LIN28B: variants seen among roughly 807,000 people sequenced by gnomAD.
LIN28B encodes protein lin-28 homolog B.
Under a neutral mutation model 21.9 loss-of-function variants are expected in LIN28B, and 5 were observed. The ratio of observed to expected loss-of-function variants is 0.23; its 90% CI spans 0.12 to 0.48. LIN28B has a LOEUF of 0.48. Among genes scored for constraint, LIN28B ranks in the 20% least tolerant of loss-of-function variants. LIN28B has a pLI of 0.98. For synonymous variants in LIN28B, 109 were observed against 111.3 expected, an observed-to-expected ratio of 0.98 and a Z score of 0.13; for missense variants, 245 against 310.5, an observed-to-expected ratio of 0.79 and a Z score of 1.58.
At chr6:104,958,078 T>C in intron 1 of LIN28B, 21 bp from the exon 2 acceptor site, 1 of 1,525,246 alleles carries the variant, frequency 6.6e-7, no homozygotes, top group Non-Finnish European at 8.9e-7. Context: ...AGACTGACTT[T>C]TTTGTCCTGT....
At chr6:104,968,987 C>T (rs2114586700) in intron 2 of LIN28B, among the ~76,000 whole-genome samples, 1 of 152,256 alleles carries the variant, frequency 6.6e-6, no homozygotes, top group Non-Finnish European at 1.5e-5. Flanking sequence ...GATATATAAG[C>T]ACTGATCCTT....
chr6:104,948,136 C>T (rs534923978), intron 2 of LIN28B, among the ~76,000 whole-genome samples: 8 of 152,044 alleles, frequency 5.3e-5, no homozygotes, highest in African/African-American at 1.9e-4. Context: ...TCTAAGAAAA[C>T]GTAATGAACT....
At chr6:104,958,414 A>T in intron 2 of LIN28B, 128 bp downstream of exon 2, 1 of 682,728 alleles carries the variant, frequency 1.5e-6, no homozygotes. Context: ...CCCTGAAATC[A>T]CTAGGTAGTC....
At chr6:105,048,747 A>G (rs940522218) in intron 3 of LIN28B, among the ~76,000 whole-genome samples, 4 of 152,042 alleles carry the variant, frequency 2.6e-5, no homozygotes, top group African/African-American at 9.7e-5. Context: ...AGTCTTGGGA[A>G]GGTGTATGTG....
rs145643950 is a variant in LIN28B at position 105,034,683 on chromosome 6, A to C, written c.383+8201A>C. On this transcript the variant is annotated intron_variant, in intron 3 of 3. Coordinates refer to ENST00000345080, the MANE Select transcript of LIN28B (RefSeq NM_001004317.4). The stretch of plus-strand genomic sequence containing the variant: ...AAAGACCAAGATGAACAGAAACAGA[A>C]ACCAATTATGTCTGATTTATTCTTA... 6.2e-4 allele frequency among the ~76,000 whole-genome samples: 95 copies of C among 152,208 alleles called. 1 individual carries two copies. Among genetic ancestry groups the C allele is most frequent in the African/African-American group, 2.2e-3 (92 of 41,584 alleles).
At chr6:105,059,504 C>T (rs1022583031) in intron 3 of LIN28B, among the ~76,000 whole-genome samples, 1 of 152,158 alleles carries the variant, frequency 6.6e-6, no homozygotes, top group Non-Finnish European at 1.5e-5. Flanking sequence ...AGATGCACAT[C>T]CACATGTGGT....
At chr6:105,059,818 C>G (rs1056537760) in intron 3 of LIN28B, among the ~76,000 whole-genome samples, 4 of 152,086 alleles carry the variant, frequency 2.6e-5, no homozygotes, top group Non-Finnish European at 4.4e-5. Context: ...TGATGCTGCC[C>G]TTTAGTACTA....
At chr6:105,053,764 C>T (rs1237526891) in intron 3 of LIN28B, among the ~76,000 whole-genome samples, 1 of 147,254 alleles carries the variant, frequency 6.8e-6, no homozygotes, top group Non-Finnish European at 1.5e-5. Context: ...TGGTGTTTCA[C>T]TCTTGTAGCC....
At chr6:104,941,787 A>T (rs1483743167) in intron 2 of LIN28B, among the ~76,000 whole-genome samples, 1 of 152,228 alleles carries the variant, frequency 6.6e-6, no homozygotes, top group Non-Finnish European at 1.5e-5. Context: ...CGTTTGCAGG[A>T]GCATTAACTG....
chr6:105,059,141 C>T (rs1416950705), intron 3 of LIN28B, among the ~76,000 whole-genome samples: 3 of 151,978 alleles, frequency 2.0e-5, no homozygotes, highest in Non-Finnish European at 4.4e-5. Flanking sequence ...TATTTTAATA[C>T]CTCATCTTGT....
chr6:105,008,441 G>A (rs1345112350), intron 2 of LIN28B, among the ~76,000 whole-genome samples: 1 of 151,996 alleles, frequency 6.6e-6, no homozygotes, highest in Admixed American at 6.6e-5. Flanking sequence ...TCAGGAGATC[G>A]AGACCATCCT....
chr6:104,973,125 A>T (rs1382203257), intron 2 of LIN28B, among the ~76,000 whole-genome samples: 1 of 151,838 alleles, frequency 6.6e-6, no homozygotes, highest in Non-Finnish European at 1.5e-5. Flanking sequence ...AAAAAAAAAA[A>T]GTCTTAACAA....
Position 104,958,141 on chromosome 6 carries a change from C to T in LIN28B, c.53C>T (p.Pro18Leu), listed in dbSNP as rs776784840. ...KGGGEEPGKL[P>L]EPAEEESQVL... ...GGTGGAGAAGAGCCCGGGAAGCTGC[C>T]GGAGCCGGCAGAGGAGGAATCCCAG... Residue 18 changes from proline to leucine, a missense_variant, in exon 2 of 4, where the codon CCG becomes CTG. Transcript: ENST00000345080. 4 of 1,605,372 alleles carry T rather than the reference C, an allele frequency of 2.5e-6. No individual in the cohort carries two copies. The highest frequency in any genetic ancestry group is 1.3e-5 in the African/African-American group (1 of 74,738).
upstream of LIN28B, chr6:104,956,965 A>G (rs565634324): frequency 2.9e-6 from 2 of 693,362 alleles, no homozygotes; most frequent in East Asian, 3.4e-5. Flanking sequence ...TGATGTCAGC[A>G]TAGATGAAAT....
chr6:105,013,921 C>T (rs1217918430), intron 2 of LIN28B, among the ~76,000 whole-genome samples: 1 of 151,964 alleles, frequency 6.6e-6, no homozygotes, highest in East Asian at 1.9e-4. Flanking sequence ...CTCTTTGATT[C>T]CTGATTTTGA....
At chr6:105,012,099 A>C (rs1222017678) in intron 2 of LIN28B, among the ~76,000 whole-genome samples, 1 of 152,052 alleles carries the variant, frequency 6.6e-6, no homozygotes, top group Non-Finnish European at 1.5e-5. Context: ...CAGAGGTTGC[A>C]GTGAGCCGAG....
rs1483077344 is a variant in LIN28B, at chr6:105,026,467, A to G, written c.368A>G (p.Lys123Arg). The change falls in exon 3 of 4, where the codon AAA becomes AGA. Residue 123 changes from lysine (K) to arginine (R), a missense_variant. Physicochemically the swap from Lys to Arg is conservative, Grantham distance 26. Transcript: ENST00000345080. ...AAAGGGAAGACACTACAGAAAAGAAAACCAAAGGGAGATAGGTAATCATTT... is the reference window on the plus strand; with the variant it reads ...AAAGGGAAGACACTACAGAAAAGAAGACCAAAGGGAGATAGGTAATCATTT... ...RPKGKTLQKR[K>R]PKGDRCYNCG... 1 of 1,573,414 alleles carries G rather than the reference A, an allele frequency of 6.4e-7. No individual in the cohort carries two copies. The highest frequency in any genetic ancestry group is 2.0e-5 in the Admixed American group (1 of 49,432).
chr6:104,981,217 T>C (rs1478235491), intron 2 of LIN28B, among the ~76,000 whole-genome samples: 1 of 152,212 alleles, frequency 6.6e-6, no homozygotes, highest in Non-Finnish European at 1.5e-5. Context: ...GGGTTTTTTT[T>C]CCTCCCCTTT....
intron 2 of LIN28B, among the ~76,000 whole-genome samples, chr6:105,015,162 C>A (rs1015463019): frequency 6.6e-6 from 1 of 152,116 alleles, no homozygotes; most frequent in African/African-American, 2.4e-5. Context: ...TTGTCTAATT[C>A]TCTTTATAAT....
Sources: gnomAD v4.1 joint callset for allele counts (sites outside exome capture counted in the v4.1 genomes callset) on GRCh38, gnomAD v4.1.1 for gene constraint, MANE v1.5 for transcripts, NCBI Gene and HGNC (gene_info 2026-07-23, HGNC 2026-07-21) for gene names.